HESX1: variants seen among roughly 807,000 people sequenced by gnomAD.
The protein encoded by HESX1 is HESX homeobox 1.
Under a neutral mutation model 22.5 loss-of-function variants are expected in HESX1, and 11 were observed. The ratio of observed to expected loss-of-function variants is 0.49; its 90% confidence interval spans 0.31 to 0.81. The LOEUF is 0.81. Among genes scored for constraint, HESX1 ranks in the 30% least tolerant of loss-of-function variants. The pLI is 0.05. For missense variants in HESX1, 201 were observed against 212.6 expected (o/e 0.95, Z 0.34); for synonymous variants, 74 against 76.5 (o/e 0.97, Z 0.17).
At chr3:57,201,104 A>C (rs935961962), upstream of HESX1, among the ~76,000 whole-genome samples, 2 of 152,158 alleles carry the variant, frequency 1.3e-5, no homozygotes, top group Non-Finnish European at 2.9e-5. Context: ...TCCTTCAGGG[A>C]AGGGAAAAAC....
At chr3:57,202,075 C>T (rs1053480977), upstream of HESX1, among the ~76,000 whole-genome samples, 7 of 151,408 alleles carry the variant, frequency 4.6e-5, no homozygotes, top group African/African-American at 1.7e-4. Flanking sequence ...CCCGCCACCA[C>T]GCCTGGCTAA....
At chr3:57,199,723 G>A in intron 1 of HESX1, 39 bp downstream of exon 1, 1 of 1,602,384 alleles carries the variant, frequency 6.2e-7, no homozygotes. Context: ...CACTGTAAAT[G>A]AAATAACAAA....
At chr3:57,224,155 G>A (rs968803003) in intron 1 of HESX1, among the ~76,000 whole-genome samples, 1 of 152,052 alleles carries the variant, frequency 6.6e-6, no homozygotes, top group Non-Finnish European at 1.5e-5. Flanking sequence ...ACCACATCCA[G>A]CTAATTTTTG....
chr3:57,218,181 T>G lies in HESX1; in HGVS notation c.-111+8115A>C, dbSNP rs1378390076. Among the ~76,000 whole-genome samples, 3 of 152,176 alleles carry G rather than the reference T, an allele frequency of 2.0e-5. No homozygotes were observed. The East Asian group carries it at 5.8e-4, about 29-fold the overall frequency. On this transcript the variant is annotated intron_variant, in intron 1 of 2. Transcript: ENST00000495160. ...TTAAACCTGTGTCATGGGGGTTTCT[T>G]GTACAGATCATTTCATCTCCCAGGT...
chr3:57,217,767 G>A (rs566790365), intron 1 of HESX1, among the ~76,000 whole-genome samples: 3 of 151,920 alleles, frequency 2.0e-5, no homozygotes, highest in South Asian at 2.1e-4. Context: ...TCCTCATCAC[G>A]CTTGGGCTCC....
At chr3:57,223,410 A>T (rs1217701744) in intron 1 of HESX1, among the ~76,000 whole-genome samples, 1 of 152,134 alleles carries the variant, frequency 6.6e-6, no homozygotes, top group African/African-American at 2.4e-5. Flanking sequence ...TTTTACCATC[A>T]AGAAAGTTGA....
At chr3:57,215,809 G>C (rs570864831) in intron 1 of HESX1, among the ~76,000 whole-genome samples, 1 of 151,966 alleles carries the variant, frequency 6.6e-6, no homozygotes, top group African/African-American at 2.4e-5. Flanking sequence ...ACAGAAAAAT[G>C]TTAACACAAA....
chr3:57,227,013 CA>C (rs904592750), upstream of HESX1, among the ~76,000 whole-genome samples: 1 of 152,184 alleles, frequency 6.6e-6, no homozygotes, highest in African/African-American at 2.4e-5. Flanking sequence ...TTTGATTCAA[CA>C]AATGCCAATT....
At chr3:57,221,081 G>A (rs1233485609) in intron 1 of HESX1, among the ~76,000 whole-genome samples, 5 of 152,014 alleles carry the variant, frequency 3.3e-5, no homozygotes, top group Non-Finnish European at 5.9e-5. Flanking sequence ...TTTTTGTTCA[G>A]GTGTTACTTT....
chr3:57,220,172 C>T (rs1458721154), intron 1 of HESX1, among the ~76,000 whole-genome samples: 1 of 152,134 alleles, frequency 6.6e-6, no homozygotes. Context: ...TATTTCTGCG[C>T]TCTCTACTCT....
Position 57,206,009 on chromosome 3 carries a change from G to A in HESX1, c.-110-5981C>T, listed in dbSNP as rs570384661. Among the ~76,000 whole-genome samples, 17 of 152,164 alleles carry A rather than the reference G, an allele frequency of 1.1e-4. 1 individual carries two copies. The highest frequency in any genetic ancestry group is 4.4e-5 in the Non-Finnish European group (3 of 68,006). On this transcript the variant is annotated intron_variant, in intron 1 of 2. Coordinates refer to the HESX1 transcript ENST00000495160. ...AGTTTGAGACCAGCCTGGCCAACAT[G>A]GTGAAACAGTGTTTCTATTAAAAAT...
intron 1 of HESX1, among the ~76,000 whole-genome samples, chr3:57,225,598 C>T (rs979268622): frequency 6.6e-6 from 1 of 152,172 alleles, no homozygotes; most frequent in Non-Finnish European, 1.5e-5. Flanking sequence ...GCCTCAGCCT[C>T]CCAAAGTGCT....
chr3:57,199,279 T>A (rs2060468128), intron 1 of HESX1, among the ~76,000 whole-genome samples: 1 of 152,236 alleles, frequency 6.6e-6, no homozygotes, highest in Non-Finnish European at 1.5e-5. Flanking sequence ...AATCCAAAGC[T>A]GATATTCTTT....
chr3:57,198,523 G>C, intron 2 of HESX1, 31 bp from the exon 3 acceptor site: 1 of 1,336,228 alleles, frequency 7.5e-7, no homozygotes, highest in Non-Finnish European at 1.1e-6. Context: ...TATTCAGTAT[G>C]TCTCCAAAAA....
chr3:57,208,666 A>T (rs2060533857), intron 1 of HESX1, among the ~76,000 whole-genome samples: 1 of 144,940 alleles, frequency 6.9e-6, no homozygotes, highest in Non-Finnish European at 1.5e-5. Flanking sequence ...TATGCATTTT[A>T]AAGTAAGTTG....
chr3:57,200,255 C>T (rs1338964653), upstream of HESX1, among the ~76,000 whole-genome samples: 2 of 152,144 alleles, frequency 1.3e-5, no homozygotes, highest in African/African-American at 4.8e-5. Context: ...AAATGTGGCA[C>T]TTATCTTTTA....
Position 57,198,053 on chromosome 3 carries a change from T to C in HESX1, c.*144A>G. 1 of 664,060 alleles carries C rather than the reference T, an allele frequency of 1.5e-6. No homozygotes were observed. Among genetic ancestry groups the C allele is most frequent in the Non-Finnish European group, 2.7e-6 (1 of 371,054 alleles). 41.1% of individuals were successfully genotyped at this position (664,060 alleles called of 1,614,324 possible). On this transcript the variant is annotated 3_prime_UTR_variant, in exon 4 of 4. Coordinates refer to ENST00000295934, the MANE Select transcript of HESX1 (RefSeq NM_003865.3). ...TGCCCAAATATGTACCATGCTATAA[T>C]AGTATTTACAATATATTTTCAGAAA...
rs916239829 is a variant in HESX1, at chr3:57,199,772, G to A, written c.147C>T (p.Cys49=). Residue 49 remains cysteine, a synonymous_variant, in exon 1 of 4, where the codon TGC becomes TGT. Transcript: ENST00000295934. ...TAAGCTGTGGCATACCTGATGAGCT[G>A]CAGGTGTCTGCCCAGGGCCTGTGGG... The part of the protein sequence containing the change: ...MKPHRPWADT[C]SSSGKDGNLC... 1.2e-6 allele frequency: 2 copies of A among 1,613,812 alleles called. No homozygotes were observed. The highest frequency in any genetic ancestry group is 2.7e-5 in the African/African-American group (2 of 74,914).
At chr3:57,212,441 C>A (rs1414053795) in intron 1 of HESX1, among the ~76,000 whole-genome samples, 1 of 151,658 alleles carries the variant, frequency 6.6e-6, no homozygotes, top group Non-Finnish European at 1.5e-5. Context: ...TGCCTGTAGT[C>A]CCAACTACTT....
Sources: allele counts gnomAD v4.1 joint callset (sites outside exome capture counted in the v4.1 genomes callset), GRCh38; gene constraint gnomAD v4.1.1; transcripts MANE v1.5; gene names NCBI Gene and HGNC (gene_info 2026-07-23, HGNC 2026-07-21).